LSM14B: variants seen among roughly 807,000 people sequenced by gnomAD.
The protein encoded by LSM14B is LSM family member 14B, also known as protein LSM14 homolog B.
A neutral mutation model predicts 42.1 loss-of-function variants in LSM14B; 8 were observed. That is an observed-to-expected ratio of 0.19 (90% CI 0.11 to 0.34). LSM14B has a LOEUF of 0.34. Among genes scored for constraint, LSM14B ranks in the 10% least tolerant of loss-of-function variants. The pLI is 1.00. For synonymous variants in LSM14B, 219 were observed against 209.7 expected, an observed-to-expected ratio of 1.04 and a Z score of -0.38; for missense variants, 396 against 513.1, an observed-to-expected ratio of 0.77 and a Z score of 2.21.
In LSM14B at chr20:62,134,347, A is replaced by G; in HGVS notation, c.*199A>G. 1 of 471,560 alleles carries G rather than the reference A, an allele frequency of 2.1e-6. No individual in the cohort carries two copies. Among genetic ancestry groups the G allele is most frequent in the Non-Finnish European group, 4.4e-6 (1 of 227,136 alleles). The allele number at this position is 471,560 out of a possible 1,614,324, so 29.2% of individuals were successfully genotyped here. On this transcript the variant is annotated 3_prime_UTR_variant, in exon 9 of 9. Transcript: ENST00000279068. Reference sequence around the variant, plus strand: ...TTAGAACCACTTGTTTTGGGGAAGTATTCATGGGTAACCTCTTTGAGGTCT... The same window carrying G: ...TTAGAACCACTTGTTTTGGGGAAGTGTTCATGGGTAACCTCTTTGAGGTCT...
chr20:62,125,820 G>A (rs1347579816), intron 2 of LSM14B, among the ~76,000 whole-genome samples: 1 of 152,186 alleles, frequency 6.6e-6, no homozygotes, highest in Admixed American at 6.5e-5. Flanking sequence ...AGCACTTTGG[G>A]AGGCCGAGGT....
chr20:62,128,758 A>G (rs184972818), intron 3 of LSM14B, among the ~76,000 whole-genome samples: 171 of 152,336 alleles, frequency 1.1e-3, no homozygotes, highest in African/African-American at 3.9e-3. Context: ...ACCTCTATGC[A>G]GAGTCGTTCC....
chr20:62,124,624 C>T lies in LSM14B; in HGVS notation c.135C>T (p.Ser45=), dbSNP rs779999746. 6.2e-7 allele frequency: 1 copy of T among 1,613,702 alleles called. No individual in the cohort carries two copies. The highest frequency in any genetic ancestry group is 1.1e-5 in the South Asian group (1 of 91,052). ...TCTTTCTCCACTCATAAGTGAGGTC[C>T]TTTGGCACTGAAGACCGTCCCACAG... is the stretch of plus-strand genomic sequence containing the variant. ...NSTVALAKVR[S]FGTEDRPTDR... The change falls in exon 2 of 9, where the codon TCC becomes TCT. Residue 45 remains serine (S), a synonymous_variant. Transcript: ENST00000279068.
chr20:62,124,204 A>G (rs1322863630), intron 1 of LSM14B, among the ~76,000 whole-genome samples: 1 of 152,240 alleles, frequency 6.6e-6, no homozygotes, highest in African/African-American at 2.4e-5. Context: ...TTTGTGAGAA[A>G]ACTGCCTCCT....
At chr20:62,133,211 G>GA in intron 7 of LSM14B, 79 bp from the exon 8 acceptor site, 2 of 1,550,472 alleles carry the variant, frequency 1.3e-6, no homozygotes. Context: ...CTCCTTCCCT[G>GA]GGCCGCTCTG....
At position 62,124,775 on chromosome 20, in the gene LSM14B, G is replaced by A; in HGVS notation, c.286G>A (p.Val96Ile). ...QHTLPQDPAI[V>I]QSSLGSASAS... ...CACACTCCCGCAGGATCCCGCCATT[G>A]TTCAGGTAAGTGTGCCACTGTCCCT... Residue 96 changes from valine to isoleucine, a missense_variant, in exon 2 of 9, where the codon GTT (valine) becomes ATT (isoleucine). Physicochemically the swap from Val to Ile is conservative, Grantham distance 29. Coordinates refer to ENST00000279068, the MANE Select transcript of LSM14B (RefSeq NM_144703.3). 6.2e-7 allele frequency: 1 copy of A among 1,612,196 alleles called. No individual in the cohort carries two copies. The highest frequency in any genetic ancestry group is 8.5e-7 in the Non-Finnish European group (1 of 1,178,944).
At position 62,134,578 on chromosome 20, in the gene LSM14B, G is replaced by C. The variant is rs982271552; in HGVS notation, c.*430G>C. 2 of 249,352 alleles carry C rather than the reference G, an allele frequency of 8.0e-6. No homozygotes were observed. The highest frequency in any genetic ancestry group is 7.8e-6 in the Non-Finnish European group (1 of 128,474). 15.4% of individuals were successfully genotyped at this position (249,352 alleles called of 1,614,324 possible). A position where few individuals can be genotyped will look rare whatever the true frequency, so the allele number is the denominator to read the frequency against. The stretch of plus-strand genomic sequence containing the variant: ...CATCTCTGTAACCCAGCTGGCCCCT[G>C]GTGCTGTTGGCCTGGCACCCCACTG... On this transcript the variant is annotated 3_prime_UTR_variant, in exon 9 of 9. Transcript: ENST00000279068.
rs529848305 is a variant in LSM14B, at chr20:62,124,885, T to TA, written c.291+105_291+106insA. 529 of 1,241,368 alleles carry TA rather than the reference T, an allele frequency of 4.3e-4. 4 individuals are homozygous for TA. In the East Asian group the frequency reaches 0.014, roughly 32 times the overall value. The allele number at this position is 1,241,368 out of a possible 1,614,324, so 76.9% of individuals were successfully genotyped here. On this transcript the variant is annotated intron_variant, in intron 2 of 8. Transcript: ENST00000279068. ...AACGCTCAATGTGAGGAATAACCTT[T>TA]TTTTTTTTTTCTTTGAGGCAGCGTC...
In LSM14B at chr20:62,125,352, T is replaced by C. The variant is rs571221006; in HGVS notation, c.291+572T>C. Among the ~76,000 whole-genome samples, 3 of 152,154 alleles carry C rather than the reference T, an allele frequency of 2.0e-5. No homozygotes were observed. The East Asian group carries it at 5.8e-4, about 29-fold the overall frequency. ...GTGCATGTGCGCGTGTGTAGTGTAGTGTGGTATGAGTGGATGCTCCTGGAC... is the reference window on the plus strand; with the variant it reads ...GTGCATGTGCGCGTGTGTAGTGTAGCGTGGTATGAGTGGATGCTCCTGGAC... On this transcript the variant is annotated intron_variant, in intron 2 of 8. Transcript: ENST00000279068.
Position 62,129,804 on chromosome 20 carries a change from C to T in LSM14B, c.447C>T (p.Ile149=). 6.2e-7 allele frequency: 1 copy of T among 1,610,672 alleles called. No homozygotes were observed. The highest frequency in any genetic ancestry group is 1.1e-5 in the South Asian group (1 of 90,334). Residue 149 remains isoleucine (I), a synonymous_variant, in exon 4 of 9, where the codon ATC becomes ATT. Coordinates refer to ENST00000279068, the MANE Select transcript of LSM14B (RefSeq NM_144703.3). ...SLGLGAGFPS[I]PVGKSPMVEQ... ...ATTCAGGAGCTGGTTTTCCATCCAT[C>T]CCAGTCGGCAAGAGCCCCATGGTGG...
chr20:62,134,619 CAGG>C lies in LSM14B; in HGVS notation c.*474_*476del, dbSNP rs1200223115. On this transcript the variant is annotated 3_prime_UTR_variant, in exon 9 of 9. Coordinates refer to ENST00000279068, the MANE Select transcript of LSM14B (RefSeq NM_144703.3). ...CACCCCACTGCCAAGGGTGGGGTCT[CAGG>C]AGTCAGGCAGGGCCAGCACAGGGTG... 1.3e-5 allele frequency: 2 copies of C among 149,102 alleles called. No individual in the cohort carries two copies. The highest frequency in any genetic ancestry group is 1.5e-4 in the South Asian group (2 of 13,402). 9.2% of individuals were successfully genotyped at this position (149,102 alleles called of 1,614,324 possible).
At chr20:62,127,110 A>G (rs1218715759) in intron 3 of LSM14B, among the ~76,000 whole-genome samples, 1 of 152,260 alleles carries the variant, frequency 6.6e-6, no homozygotes, top group Non-Finnish European at 1.5e-5. Flanking sequence ...GCCTGTAAAT[A>G]TAGACGTGAA....
chr20:62,132,929 C>A lies in LSM14B; in HGVS notation c.987-361C>A, dbSNP rs117683972. ...TAGCCTCCTCCTTGTCTAGGAGGGT[C>A]CACTTCATGGTCCGGTCTCAGGTCT... On this transcript the variant is annotated intron_variant, in intron 7 of 8. Coordinates refer to ENST00000279068, the MANE Select transcript of LSM14B (RefSeq NM_144703.3). Among the ~76,000 whole-genome samples, 192 of 152,296 alleles carry A rather than the reference C, an allele frequency of 1.3e-3. 1 individual carries two copies. Among genetic ancestry groups the A allele is most frequent in the Non-Finnish European group, 2.4e-3 (160 of 68,008 alleles).
chr20:62,122,545 G>T lies in LSM14B; in HGVS notation c.-122G>T. ...TCGGGCGGTGGCGAGGAGGCGCCCA[G>T]GCGGAGGCGGCGGCGGGCGGAGGAG... On this transcript the variant is annotated 5_prime_UTR_variant, in exon 1 of 9. In the 5' UTR this introduces an upstream ATG that the reference lacks. Transcript: ENST00000279068. This position sits in a 1 kb window ranked among gnomAD's most constrained non-coding sequence, Gnocchi z 4.6. 1.4e-6 allele frequency: 1 copy of T among 728,752 alleles called. No homozygotes were observed. The highest frequency in any genetic ancestry group is 5.9e-5 in the South Asian group (1 of 16,962). The allele number at this position is 728,752 out of a possible 1,614,324, so 45.1% of individuals were successfully genotyped here.
At chr20:62,125,648 A>G (rs2056573783) in intron 2 of LSM14B, among the ~76,000 whole-genome samples, 1 of 152,232 alleles carries the variant, frequency 6.6e-6, no homozygotes, top group Non-Finnish European at 1.5e-5. Context: ...AATATTCACT[A>G]GCTCCTCTGG....
chr20:62,127,725 C>T lies in LSM14B; in HGVS notation c.427+1286C>T, dbSNP rs1412343353. On this transcript the variant is annotated intron_variant, in intron 3 of 8. Coordinates refer to ENST00000279068, the MANE Select transcript of LSM14B (RefSeq NM_144703.3). ...GGGTAACAGCAGTTTGGGAGAACTG[C>T]ATGCTGTCTTGCAAACCATTCTGAG... 8 of 1,466,912 alleles carry T rather than the reference C, an allele frequency of 5.5e-6. No individual in the cohort carries two copies. In the East Asian group the frequency reaches 1.2e-4, roughly 23 times the overall value. The allele number at this position is 1,466,912 out of a possible 1,614,324, so 90.9% of individuals were successfully genotyped here.
chr20:62,122,649 C>G lies in LSM14B; in HGVS notation c.-18C>G. 7.2e-7 allele frequency: 1 copy of G among 1,386,768 alleles called. No homozygotes were observed. 85.9% of individuals were successfully genotyped at this position (1,386,768 alleles called of 1,614,324 possible). On this transcript the variant is annotated 5_prime_UTR_variant, in exon 1 of 9. Transcript: ENST00000279068. This position sits in a 1 kb window ranked among gnomAD's most constrained non-coding sequence, Gnocchi z 4.6. ...GCGCTCCTTCCCCACCGCGGCCCGA[C>G]GCACCCCGGCCGCCGCCATGAGCGG...
chr20:62,122,565 G>GAGGAGCGC lies in LSM14B; in HGVS notation c.-94_-87dup. ...GCCCAGGCGGAGGCGGCGGCGGGCG[G>GAGGAGCGC]AGGAGCGCAGGAGCGGGCGGCCAGG... On this transcript the variant is annotated 5_prime_UTR_variant, in exon 1 of 9. Coordinates refer to ENST00000279068, the MANE Select transcript of LSM14B (RefSeq NM_144703.3). The surrounding 1 kb of genome is among the most constrained non-coding windows in gnomAD (Gnocchi z 4.6). 2 of 857,014 alleles carry GAGGAGCGC rather than the reference G, an allele frequency of 2.3e-6. No individual in the cohort carries two copies. Among genetic ancestry groups the GAGGAGCGC allele is most frequent in the Non-Finnish European group, 2.8e-6 (2 of 711,230 alleles). The allele number at this position is 857,014 out of a possible 1,614,324, so 53.1% of individuals were successfully genotyped here. A position where few individuals can be genotyped will look rare whatever the true frequency, so the allele number is the denominator to read the frequency against.
chr20:62,127,668 T>G (rs1181384934), intron 3 of LSM14B: 1 of 1,551,042 alleles, frequency 6.4e-7, no homozygotes, highest in Admixed American at 2.0e-5. Flanking sequence ...AGAGCTTGAC[T>G]TGTCCTCAGA....
Sources: gnomAD v4.1 joint callset for allele counts (sites outside exome capture counted in the v4.1 genomes callset) on GRCh38, gnomAD v4.1.1 for gene constraint, Gnocchi (gnomAD v3.1) non-coding constraint, MANE v1.5 for transcripts, NCBI Gene and HGNC (gene_info 2026-07-23, HGNC 2026-07-21) for gene names.